Variants in SLC2A13 observed in about 807,000 individuals in gnomAD.
SLC2A13 encodes solute carrier family 2 member 13, also known as proton myo-inositol cotransporter.
A neutral mutation model predicts 64.4 loss-of-function variants in SLC2A13; 32 were observed. That is an observed-to-expected ratio of 0.50 (90% CI 0.37 to 0.67). The LOEUF is 0.67. Ranked by LOEUF, SLC2A13 falls within the 30% of genes least tolerant of loss-of-function variation. SLC2A13 has a pLI of 0.00. For missense variants in SLC2A13, 743 were observed against 829.2 expected (o/e 0.90, Z 1.28); for synonymous variants, 338 against 327.1 (o/e 1.03, Z -0.36).
intron 1 of SLC2A13, among the ~76,000 whole-genome samples, chr12:40,050,604 T>C (rs1159259780): frequency 6.6e-6 from 1 of 152,210 alleles, no homozygotes; most frequent in Non-Finnish European, 1.5e-5. Context: ...ATAATCTTAT[T>C]TAATCCTCAG....
At chr12:39,905,118 CAG>C (rs1269619679) in intron 4 of SLC2A13, among the ~76,000 whole-genome samples, 1 of 152,106 alleles carries the variant, frequency 6.6e-6, no homozygotes, top group African/African-American at 2.4e-5. Context: ...ATTTTAAAAT[CAG>C]AATTTAAAAA....
At chr12:40,016,553 CATAGCT>C (rs1947625441) in intron 3 of SLC2A13, among the ~76,000 whole-genome samples, 1 of 152,136 alleles carries the variant, frequency 6.6e-6, no homozygotes, top group African/African-American at 2.4e-5. Flanking sequence ...CCACTGTAGT[CATAGCT>C]AGTGAAAATA....
intron 7 of SLC2A13, among the ~76,000 whole-genome samples, chr12:39,816,503 A>G (rs1333408316): frequency 6.6e-6 from 1 of 151,536 alleles, no homozygotes; most frequent in Non-Finnish European, 1.5e-5. Flanking sequence ...TGGGTGCAGC[A>G]CACCAACATG....
intron 4 of SLC2A13, among the ~76,000 whole-genome samples, chr12:39,931,254 CTTCT>C (rs1174908102): frequency 6.6e-6 from 1 of 152,184 alleles, no homozygotes; most frequent in Non-Finnish European, 1.5e-5. Context: ...GGATCGTCTA[CTTCT>C]TTCTTCCCTT....
At chr12:39,959,435 A>C (rs1946371937) in intron 3 of SLC2A13, among the ~76,000 whole-genome samples, 1 of 152,226 alleles carries the variant, frequency 6.6e-6, no homozygotes, top group Non-Finnish European at 1.5e-5. Context: ...ATGGTACATT[A>C]GGGCCGGTAT....
chr12:39,826,550 A>G (rs1942681337), intron 7 of SLC2A13, among the ~76,000 whole-genome samples: 1 of 150,622 alleles, frequency 6.6e-6, no homozygotes, highest in Non-Finnish European at 1.5e-5. Flanking sequence ...TTATACTTGT[A>G]ACATCTATAT....
chr12:40,028,291 G>A lies in SLC2A13; in HGVS notation c.925+10C>T, dbSNP rs1380716585. On this transcript the variant is annotated intron_variant, in intron 3 of 9. Coordinates refer to ENST00000280871, the MANE Select transcript of SLC2A13 (RefSeq NM_052885.4). ...GTTTTTAAATTCATATAAGTATAAA[G>A]TCTATATACCTGAGCCAACCTCTTT... The A allele has an allele frequency of 6.2e-7, 1 of 1,607,012 alleles. No individual in the cohort carries two copies. The highest frequency in any genetic ancestry group is 8.5e-7 in the Non-Finnish European group (1 of 1,175,150).
chr12:40,079,561 GAGA>G (rs1168501289), intron 1 of SLC2A13, among the ~76,000 whole-genome samples: 1 of 152,182 alleles, frequency 6.6e-6, no homozygotes, highest in East Asian at 1.9e-4. Context: ...ATGTGCAGGT[GAGA>G]AGAATGTACA....
At chr12:39,920,631 T>G in intron 4 of SLC2A13, among the ~76,000 whole-genome samples, 1 of 152,090 alleles carries the variant, frequency 6.6e-6, no homozygotes, top group East Asian at 1.9e-4. Context: ...TGAAGTCCGA[T>G]GCTGAATCCC....
At chr12:39,967,931 G>A (rs912294817) in intron 3 of SLC2A13, among the ~76,000 whole-genome samples, 9 of 152,114 alleles carry the variant, frequency 5.9e-5, no homozygotes, top group Non-Finnish European at 1.2e-4. Context: ...ATTGTATTTT[G>A]ACCTGAAGTC....
chr12:39,832,878 C>T (rs1942895741), intron 6 of SLC2A13, among the ~76,000 whole-genome samples: 1 of 152,058 alleles, frequency 6.6e-6, no homozygotes, highest in Admixed American at 6.6e-5. Context: ...AGCCACACAG[C>T]CAAATGTAGC....
At chr12:39,829,990 T>C (rs1185941169) in intron 7 of SLC2A13, 113 bp downstream of exon 7, 2 of 1,301,132 alleles carry the variant, frequency 1.5e-6, no homozygotes, top group South Asian at 2.5e-5. Context: ...AGTAATGTAG[T>C]TATGAAGGCC....
intron 2 of SLC2A13, among the ~76,000 whole-genome samples, chr12:40,038,635 G>T (rs1948029296): frequency 6.6e-6 from 1 of 151,894 alleles, no homozygotes; most frequent in Non-Finnish European, 1.5e-5. Context: ...GGAGGCTGAG[G>T]CGGGAGGGTC....
At chr12:40,058,541 G>GA (rs1238061616) in intron 1 of SLC2A13, among the ~76,000 whole-genome samples, 11 of 151,514 alleles carry the variant, frequency 7.3e-5, no homozygotes, top group Admixed American at 3.9e-4. Flanking sequence ...GGAATGGACT[G>GA]AAAAAAAAGA....
Position 39,878,834 on chromosome 12 carries a change from A to T in SLC2A13, c.1035-6873T>A, listed in dbSNP as rs527263756. On this transcript the variant is annotated intron_variant, in intron 4 of 9. Transcript: ENST00000280871. ...AACTAAAAGGAAGCCAGGTGCTAAT[A>T]GCCAAGACTATGGGAAAAAGTCTTG... 2.0e-5 allele frequency among the ~76,000 whole-genome samples: 3 copies of T among 152,360 alleles called. No individual in the cohort carries two copies. The South Asian group carries it at 6.2e-4, about 32-fold the overall frequency.
At chr12:40,079,803 T>G (rs559937723) in intron 1 of SLC2A13, among the ~76,000 whole-genome samples, 2 of 152,368 alleles carry the variant, frequency 1.3e-5, no homozygotes, top group Non-Finnish European at 2.9e-5. Context: ...GCAAATATAC[T>G]TAAGATAGTT....
At chr12:40,081,028 C>T (rs1055591605) in intron 1 of SLC2A13, among the ~76,000 whole-genome samples, 2 of 152,120 alleles carry the variant, frequency 1.3e-5, no homozygotes, top group African/African-American at 4.8e-5. Flanking sequence ...AATATAAGCC[C>T]CCCAATCTCT....
chr12:39,971,997 A>AAAATATATATATATATAT (rs1375405006), intron 3 of SLC2A13, among the ~76,000 whole-genome samples: 6 of 77,376 alleles, frequency 7.8e-5, no homozygotes, highest in Non-Finnish European at 9.9e-5. Context: ...AAAAAAAAAA[A>AAAATATATATATATATAT]ATATATATAT....
chr12:39,868,084 G>A lies in SLC2A13; in HGVS notation c.1199-3202C>T, dbSNP rs773502630. Reference sequence around the variant, plus strand: ...GTTACAGATGTTTTATCAGTCCCTTGTTAGTATTTAAAATCAATCTGGTTA... The same window carrying A: ...GTTACAGATGTTTTATCAGTCCCTTATTAGTATTTAAAATCAATCTGGTTA... On this transcript the variant is annotated intron_variant, in intron 5 of 9. Coordinates refer to ENST00000280871, the MANE Select transcript of SLC2A13 (RefSeq NM_052885.4). Among the ~76,000 whole-genome samples, 7 of 152,070 alleles carry A rather than the reference G, an allele frequency of 4.6e-5. No individual in the cohort carries two copies. The East Asian group carries it at 7.7e-4, about 17-fold the overall frequency.
Sources: allele counts gnomAD v4.1 joint callset (sites outside exome capture counted in the v4.1 genomes callset), GRCh38; gene constraint gnomAD v4.1.1; transcripts MANE v1.5; gene names NCBI Gene and HGNC (gene_info 2026-07-23, HGNC 2026-07-21).